The following ALX4 variants were observed in gnomAD, a reference collection of about 807,000 sequenced individuals.
The protein encoded by ALX4 is ALX homeobox 4.
Under a neutral mutation model 40.6 loss-of-function variants are expected in ALX4, and 22 were observed. The observed-to-expected ratio is 0.54, with a 90% CI of 0.39 to 0.77. The LOEUF (loss-of-function observed/expected upper bound fraction) is 0.77, where lower values mean the gene tolerates loss of function less well. Ranked by LOEUF, ALX4 falls within the 30% of genes least tolerant of loss-of-function variation. ALX4 has a pLI of 0.00. For missense variants in ALX4, 556 were observed against 564.8 expected, an observed-to-expected ratio of 0.98 and a Z score of 0.16; for synonymous variants, 266 against 240.5, an observed-to-expected ratio of 1.11 and a Z score of -0.98.
At chr11:44,294,940 C>G (rs1490264533) in intron 1 of ALX4, among the ~76,000 whole-genome samples, 1 of 151,956 alleles carries the variant, frequency 6.6e-6, no homozygotes, top group Non-Finnish European at 1.5e-5. Context: ...ACCTCTGCCT[C>G]CTGGGTTCAA....
At chr11:44,309,181 C>T (rs1956488893) in intron 1 of ALX4, among the ~76,000 whole-genome samples, 1 of 125,828 alleles carries the variant, frequency 7.9e-6, no homozygotes, top group South Asian at 2.5e-4. Context: ...CCCGCAGCCT[C>T]GCAGCCCCGC....
intron 1 of ALX4, among the ~76,000 whole-genome samples, chr11:44,277,012 C>T (rs954820328): frequency 3.9e-5 from 6 of 152,092 alleles, no homozygotes; most frequent in East Asian, 3.9e-4. Flanking sequence ...TTGATAGCCC[C>T]GCCATGAATC....
chr11:44,265,150 C>G lies in ALX4; in HGVS notation c.940G>C (p.Ala314Pro), dbSNP rs888252724. ...ACGCAGGCTGGCACTGGTGAGGCAG[C>G]CCCGTTGTTGCCGAGCCAGGACGGG... The part of the protein sequence containing the change: ...QNPSWLGNNG[A>P]ASPVPACVVP... Residue 314 changes from alanine to proline, a missense_variant, in exon 4 of 4, where the codon GCT becomes CCT. Physicochemically the swap from Ala to Pro is conservative, Grantham distance 27. Transcript: ENST00000652299. The G allele has an allele frequency of 6.2e-7, 1 of 1,606,208 alleles. No individual in the cohort carries two copies. The highest frequency in any genetic ancestry group is 1.3e-5 in the African/African-American group (1 of 74,928).
intron 1 of ALX4, among the ~76,000 whole-genome samples, chr11:44,277,282 A>G (rs1956283365): frequency 6.6e-6 from 1 of 152,210 alleles, no homozygotes; most frequent in East Asian, 1.9e-4. Context: ...CCAAGCATGC[A>G]GGCCCTTGGG....
chr11:44,264,933 G>A lies in ALX4; in HGVS notation c.1157C>T (p.Pro386Leu), dbSNP rs904598017. The change falls in exon 4 of 4, where the codon CCG becomes CTG. Residue 386 changes from proline to leucine, a missense_variant. Physicochemically the swap from Pro to Leu is moderately conservative, Grantham distance 98. Coordinates refer to ENST00000652299, the MANE Select transcript of ALX4 (RefSeq NM_021926.4). ...CGCGATGCTCGAGGTCTTGCGGTCC[G>A]GCTCGCCGTTGAGCTCGTAGCCATT... ...GLNGYELNGE[P>L]DRKTSSIAAL... 38 of 1,612,916 alleles carry A rather than the reference G, an allele frequency of 2.4e-5. No individual in the cohort carries two copies. The highest frequency in any genetic ancestry group is 3.3e-5 in the Admixed American group (2 of 60,000).
At chr11:44,304,156 G>T (rs541749134) in intron 1 of ALX4, among the ~76,000 whole-genome samples, 2 of 152,318 alleles carry the variant, frequency 1.3e-5, no homozygotes, top group East Asian at 3.9e-4. Context: ...CACATAGCCG[G>T]GTCCTCGCAG....
At chr11:44,276,478 G>T (rs905776265) in intron 1 of ALX4, among the ~76,000 whole-genome samples, 2 of 152,166 alleles carry the variant, frequency 1.3e-5, no homozygotes, top group Admixed American at 6.5e-5. Context: ...CCCACCCACC[G>T]GCACATTCCT....
chr11:44,309,837 G>T lies in ALX4; in HGVS notation c.226C>A (p.Pro76Thr), dbSNP rs79200219. The T allele has an allele frequency of 2.2e-4, 341 of 1,555,638 alleles. 1 individual carries two copies. In the East Asian group the frequency reaches 7.0e-3, roughly 32 times the overall value. The change falls in exon 1 of 4, where the codon CCC (proline) becomes ACC (threonine). Residue 76 changes from proline to threonine, a missense_variant. Physicochemically the swap from Pro to Thr is conservative, Grantham distance 38. Transcript: ENST00000652299. ...YGAGQQDLAT[P>T]LESGAGARGS... is the part of the protein sequence containing the mutation. ...CGCGCCCCAGCTCCACTCTCCAGGG[G>T]TGTCGCCAGGTCCTGCTGCCCAGCG...
chr11:44,272,035 G>GGAGATCAGGCTA (rs1956251316), intron 2 of ALX4, among the ~76,000 whole-genome samples: 1 of 152,210 alleles, frequency 6.6e-6, no homozygotes, highest in Non-Finnish European at 1.5e-5. Context: ...TCCATTTGCT[G>GGAGATCAGGCTA]GAGATCAGGC....
intron 1 of ALX4, among the ~76,000 whole-genome samples, chr11:44,292,352 CACA>C (rs1355229203): frequency 4.0e-5 from 6 of 150,386 alleles, no homozygotes; most frequent in African/African-American, 1.5e-4. Context: ...ACTATGGGCA[CACA>C]ACATCACAGC....
At chr11:44,282,747 C>T (rs1309910331) in intron 1 of ALX4, among the ~76,000 whole-genome samples, 1 of 152,188 alleles carries the variant, frequency 6.6e-6, no homozygotes, top group Non-Finnish European at 1.5e-5. Flanking sequence ...CAACTGCACT[C>T]AGCTAGCACA....
intron 1 of ALX4, among the ~76,000 whole-genome samples, chr11:44,299,545 A>G (rs1956423414): frequency 6.6e-6 from 1 of 151,908 alleles, no homozygotes; most frequent in Admixed American, 6.6e-5. Flanking sequence ...TATTTTTGGT[A>G]GAGACAGGGT....
At chr11:44,286,199 G>A (rs1272024342) in intron 1 of ALX4, among the ~76,000 whole-genome samples, 1 of 152,230 alleles carries the variant, frequency 6.6e-6, no homozygotes, top group Non-Finnish European at 1.5e-5. Flanking sequence ...GATGAGGGGG[G>A]TCGAGGAAAC....
chr11:44,296,874 T>C lies in ALX4; in HGVS notation c.466+12723A>G, dbSNP rs1266989590. Among the ~76,000 whole-genome samples the C allele has an allele frequency of 3.2e-4, 49 of 152,104 alleles. 1 individual carries two copies. Among genetic ancestry groups the C allele is most frequent in the Non-Finnish European group, 5.9e-5 (4 of 68,018 alleles). On this transcript the variant is annotated intron_variant, in intron 1 of 3. Transcript: ENST00000652299. Reference sequence around the variant, plus strand: ...AAACACAAAAATTAGGCAGGTGTGGTGGTGGGTGCCTGTAATCCCAGCTAC... The same window carrying C: ...AAACACAAAAATTAGGCAGGTGTGGCGGTGGGTGCCTGTAATCCCAGCTAC...
chr11:44,285,254 C>T (rs1025096652), intron 1 of ALX4, among the ~76,000 whole-genome samples: 2 of 152,218 alleles, frequency 1.3e-5, no homozygotes, highest in Non-Finnish European at 2.9e-5. Context: ...CGTGAGCCAC[C>T]GTGCCCAGCC....
chr11:44,274,163 A>T (rs573276457), intron 2 of ALX4, among the ~76,000 whole-genome samples: 23 of 152,304 alleles, frequency 1.5e-4, no homozygotes, highest in Middle Eastern at 6.8e-3. Context: ...AAAAAAATTT[A>T]AAAAATTTTT....
At chr11:44,285,046 C>A (rs1163213911) in intron 1 of ALX4, among the ~76,000 whole-genome samples, 1 of 151,988 alleles carries the variant, frequency 6.6e-6, no homozygotes, top group Non-Finnish European at 1.5e-5. Context: ...CTCAGTGCAA[C>A]CTCCGCCTCC....
chr11:44,305,756 G>C (rs1956463310), intron 1 of ALX4, among the ~76,000 whole-genome samples: 1 of 152,254 alleles, frequency 6.6e-6, no homozygotes, highest in African/African-American at 2.4e-5. Context: ...CGCCTCCCCA[G>C]ACCTTGGCGC....
chr11:44,293,151 GGAAGGAAGGAAGGAAGGAA>G (rs1348246027), intron 1 of ALX4, among the ~76,000 whole-genome samples: 3,137 of 86,672 alleles, frequency 0.036, 277 homozygotes, highest in Non-Finnish European at 0.054. Flanking sequence ...AAGGAAGGAA[GGAAGGAAGGAAGGAAGGAA>G]GCAGGCAGGC....
Sources: gnomAD v4.1 joint callset for allele counts (sites outside exome capture counted in the v4.1 genomes callset) on GRCh38, gnomAD v4.1.1 for gene constraint, MANE v1.5 for transcripts, NCBI Gene and HGNC (gene_info 2026-07-23, HGNC 2026-07-21) for gene names.